ANO6: variants seen among roughly 807,000 people sequenced by gnomAD.
ANO6 encodes anoctamin 6.
ANO6 carries 106 observed loss-of-function variants against 117.5 expected under a neutral mutation model. The observed-to-expected ratio is 0.90, with a 90% CI of 0.77 to 1.06. The LOEUF is 1.06. Among genes scored for constraint, ANO6 ranks in the 50% least tolerant of loss-of-function variants. The pLI is 0.00. For synonymous variants in ANO6, 367 were observed against 385.1 expected (o/e 0.95, Z 0.55); for missense variants, 955 against 1,121.1 (o/e 0.85, Z 2.12).
rs1420906304 is a variant in ANO6, at chr12:45,350,639, T to G, written c.748-20T>G. On this transcript the variant is annotated intron_variant, in intron 6 of 19. Coordinates refer to ENST00000320560, the MANE Select transcript of ANO6 (RefSeq NM_001025356.3). ...AAACACGATGATTATGGTGCTTACATGTTCCCTTCTGCGTCACAGTGCAAA... is the reference window on the plus strand; with the variant it reads ...AAACACGATGATTATGGTGCTTACAGGTTCCCTTCTGCGTCACAGTGCAAA... 6.3e-7 allele frequency: 1 copy of G among 1,581,012 alleles called. No homozygotes were observed.
chr12:45,423,031 C>T lies in ANO6; in HGVS notation c.2495C>T (p.Ala832Val). 1.2e-6 allele frequency: 2 copies of T among 1,613,918 alleles called. No homozygotes were observed. The highest frequency in any genetic ancestry group is 1.7e-6 in the Non-Finnish European group (2 of 1,179,792). Residue 832 changes from alanine to valine, a missense_variant, in exon 19 of 20, where the codon GCA (alanine) becomes GTA (valine). By Grantham distance (64) the Ala-to-Val change is moderately conservative. Transcript: ENST00000320560. ...KHNIYYWHVIAAKLAFIIVME... is the reference protein window; with the variant it reads ...KHNIYYWHVIVAKLAFIIVME... ...AACATCTACTATTGGCATGTGATTG[C>T]AGCCAAGCTGGCTTTTATCATTGTC...
chr12:45,352,562 A>C (rs867902658), intron 7 of ANO6, among the ~76,000 whole-genome samples: 2 of 39,312 alleles, frequency 5.1e-5, no homozygotes, highest in Non-Finnish European at 8.9e-5. Flanking sequence ...TCCAGTCTTA[A>C]AAAAAAAAAA....
At chr12:45,303,530 A>G (rs1939565854) in intron 2 of ANO6, among the ~76,000 whole-genome samples, 1 of 152,232 alleles carries the variant, frequency 6.6e-6, no homozygotes. Flanking sequence ...AAACCTATAC[A>G]TAGTTCGCAC....
intron 2 of ANO6, among the ~76,000 whole-genome samples, chr12:45,316,297 CAAAT>C (rs1940023005): frequency 1.3e-5 from 2 of 151,950 alleles, no homozygotes; most frequent in Non-Finnish European, 2.9e-5. Context: ...AATAATTACA[CAAAT>C]AACTCAACAA....
intron 11 of ANO6, among the ~76,000 whole-genome samples, chr12:45,388,526 C>T (rs1942361326): frequency 6.6e-6 from 1 of 152,042 alleles, no homozygotes; most frequent in Non-Finnish European, 1.5e-5. Context: ...AGAAGCACTG[C>T]TTAGAACAGT....
At chr12:45,379,322 T>C (rs1942110412) in intron 10 of ANO6, among the ~76,000 whole-genome samples, 1 of 152,232 alleles carries the variant, frequency 6.6e-6, no homozygotes, top group Admixed American at 6.5e-5. Flanking sequence ...TTGCTCACTT[T>C]TTAGAGATAT....
intron 9 of ANO6, among the ~76,000 whole-genome samples, chr12:45,369,178 C>T (rs1414294759): frequency 2.0e-5 from 3 of 152,200 alleles, no homozygotes; most frequent in African/African-American, 4.8e-5. Flanking sequence ...CCCAAACCAA[C>T]ACAAACTCTA....
At chr12:45,371,018 C>G (rs951719601) in intron 9 of ANO6, among the ~76,000 whole-genome samples, 4 of 152,114 alleles carry the variant, frequency 2.6e-5, no homozygotes, top group African/African-American at 9.7e-5. Flanking sequence ...GTGCGCGAGC[C>G]GAAGCAGGGT....
intron 1 of ANO6, among the ~76,000 whole-genome samples, chr12:45,242,570 T>A (rs1448760438): frequency 6.6e-6 from 1 of 152,352 alleles, no homozygotes. Context: ...TCACCCTCTG[T>A]GGGCTGCACC....
At chr12:45,309,190 A>C (rs1939771617) in intron 2 of ANO6, among the ~76,000 whole-genome samples, 1 of 152,112 alleles carries the variant, frequency 6.6e-6, no homozygotes, top group Admixed American at 6.6e-5. Flanking sequence ...GAGGCTACTG[A>C]GAGGCCAGAA....
chr12:45,350,884 C>A, intron 7 of ANO6, 110 bp downstream of exon 7: 1 of 934,856 alleles, frequency 1.1e-6, no homozygotes, highest in East Asian at 2.6e-5. Flanking sequence ...GGAGCTGACC[C>A]AGAGTGCTGA....
intron 3 of ANO6, among the ~76,000 whole-genome samples, chr12:45,337,111 T>C (rs1940848660): frequency 6.6e-6 from 1 of 152,082 alleles, no homozygotes; most frequent in Non-Finnish European, 1.5e-5. Flanking sequence ...AGTGTGTTTG[T>C]GTTTTAAGCT....
intron 1 of ANO6, 130 bp from the exon 2 acceptor site, chr12:45,301,884 G>C (rs1939500553): frequency 1.3e-6 from 1 of 764,262 alleles, no homozygotes; most frequent in South Asian, 1.5e-5. Context: ...TAGCTGAAAG[G>C]GTTAAATAAT....
chr12:45,323,593 T>A (rs888897418), intron 2 of ANO6, among the ~76,000 whole-genome samples: 4 of 152,228 alleles, frequency 2.6e-5, no homozygotes, highest in African/African-American at 9.6e-5. Flanking sequence ...TTGCCTTGCA[T>A]GCATCATCTC....
chr12:45,401,873 C>A lies in ANO6; in HGVS notation c.1465C>A (p.Pro489Thr). The A allele has an allele frequency of 6.2e-7, 1 of 1,613,938 alleles. No homozygotes were observed. ...GTTCATTGTATTTTCTGCAAAACTT[C>A]CCAAGAACATTAATGGAACAGACCC... The part of the protein sequence containing the change: ...SVFIVFSAKL[P>T]KNINGTDPIQ... The change falls in exon 13 of 20, where the codon CCC (proline) becomes ACC (threonine). Residue 489 changes from proline (P) to threonine (T), a missense_variant. Transcript: ENST00000320560.
At chr12:45,227,088 A>C (rs2137130921) in intron 1 of ANO6, among the ~76,000 whole-genome samples, 1 of 147,988 alleles carries the variant, frequency 6.8e-6, no homozygotes, top group South Asian at 2.1e-4. Context: ...TCCTGGGTTC[A>C]AGCTATTCTC....
intron 1 of ANO6, among the ~76,000 whole-genome samples, chr12:45,246,188 A>C (rs1264515196): frequency 6.6e-6 from 1 of 152,190 alleles, no homozygotes; most frequent in African/African-American, 2.4e-5. Flanking sequence ...TCATAATATT[A>C]TAATAGGAAT....
chr12:45,408,038 G>C (rs909410497), intron 15 of ANO6, among the ~76,000 whole-genome samples: 10 of 152,168 alleles, frequency 6.6e-5, no homozygotes, highest in Non-Finnish European at 1.2e-4. Context: ...GTAGCAGTCA[G>C]TGAAAAGTGA....
chr12:45,328,638 G>C (rs1044866552), intron 2 of ANO6, among the ~76,000 whole-genome samples: 6 of 152,030 alleles, frequency 3.9e-5, no homozygotes, highest in Admixed American at 1.3e-4. Context: ...AAATATTTAC[G>C]TAAAGGCTTT....
Sources: gnomAD v4.1 joint callset for allele counts (sites outside exome capture counted in the v4.1 genomes callset) on GRCh38, gnomAD v4.1.1 for gene constraint, MANE v1.5 for transcripts, NCBI Gene and HGNC (gene_info 2026-07-23, HGNC 2026-07-21) for gene names.